Variants in SLC35D2 observed in about 807,000 individuals in gnomAD.
The protein encoded by SLC35D2 is nucleotide sugar transporter SLC35D2.
SLC35D2 carries 43 observed loss-of-function variants against 41.8 expected under a neutral mutation model. The ratio of observed to expected loss-of-function variants is 1.03; its 90% CI spans 0.81 to 1.33. SLC35D2 has a LOEUF of 1.33. Ranked by LOEUF, SLC35D2 falls within the 40% of genes most tolerant of loss-of-function variation. SLC35D2 has a pLI of 0.00. For synonymous variants in SLC35D2, 150 were observed against 163.9 expected, an observed-to-expected ratio of 0.92 and a Z score of 0.65; for missense variants, 380 against 408.4, an observed-to-expected ratio of 0.93 and a Z score of 0.60.
intron 3 of SLC35D2, among the ~76,000 whole-genome samples, chr9:96,363,367 A>T (rs1053895333): frequency 6.6e-6 from 1 of 152,164 alleles, no homozygotes; most frequent in African/African-American, 2.4e-5. Context: ...CCAGTGCTAG[A>T]TGCTGGCATT....
intron 9 of SLC35D2, among the ~76,000 whole-genome samples, chr9:96,326,072 A>C (rs2130843479): frequency 6.6e-6 from 1 of 152,370 alleles, no homozygotes; most frequent in African/African-American, 2.4e-5. Context: ...TGTGGTTCTA[A>C]TTTGAAATAT....
chr9:96,315,902 C>T (rs143820178), downstream of SLC35D2, among the ~76,000 whole-genome samples: 14 of 152,238 alleles, frequency 9.2e-5, no homozygotes, highest in African/African-American at 2.6e-4. Flanking sequence ...TGAAAATATG[C>T]CTCTTTATGA....
intron 2 of SLC35D2, among the ~76,000 whole-genome samples, chr9:96,367,062 T>C (rs1468121419): frequency 6.7e-6 from 1 of 150,232 alleles, no homozygotes; most frequent in African/African-American, 2.4e-5. Context: ...CTATTAAAGA[T>C]ACAAAAAATT....
chr9:96,371,396 G>C (rs1830668114), intron 1 of SLC35D2, among the ~76,000 whole-genome samples: 1 of 143,412 alleles, frequency 7.0e-6, no homozygotes, highest in Non-Finnish European at 1.5e-5. Flanking sequence ...AATTGTACCT[G>C]GGAGGCAGAG....
chr9:96,327,776 TA>T (rs1332054508), intron 9 of SLC35D2, among the ~76,000 whole-genome samples: 1 of 151,800 alleles, frequency 6.6e-6, no homozygotes, highest in Non-Finnish European at 1.5e-5. Context: ...TACACATCAC[TA>T]AACTTGGCTA....
In SLC35D2 at chr9:96,383,525, C is replaced by A. The variant is rs1249306487; in HGVS notation, c.110G>T (p.Cys37Phe). Residue 37 changes from cysteine (C) to phenylalanine (F), a missense_variant, in exon 1 of 12, where the codon TGC becomes TTC. By Grantham distance (205) the Cys-to-Phe change is radical. Coordinates refer to ENST00000253270, the MANE Select transcript of SLC35D2 (RefSeq NM_007001.3). ...GTTGACAAGCACGATGAGGAAGGAG[C>A]AGGTCCCGTAGAAGAGCGCCGACAG... is the stretch of plus-strand genomic sequence containing the variant. The part of the protein sequence containing the change: ...RLLSALFYGT[C>F]SFLIVLVNKA... The A allele has an allele frequency of 2.0e-6, 3 of 1,527,514 alleles. No individual in the cohort carries two copies. The Admixed American group carries it at 6.1e-5, about 31-fold the overall frequency. The allele number at this position is 1,527,514 out of a possible 1,614,324, so 94.6% of individuals were successfully genotyped here.
At chr9:96,348,650 T>C (rs1829681138) in intron 6 of SLC35D2, among the ~76,000 whole-genome samples, 2 of 152,196 alleles carry the variant, frequency 1.3e-5, no homozygotes, top group South Asian at 4.1e-4. Context: ...CTAAGCACTG[T>C]GGCTAAGCAC....
chr9:96,335,595 G>C (rs1179649085), intron 9 of SLC35D2, among the ~76,000 whole-genome samples: 1 of 152,012 alleles, frequency 6.6e-6, no homozygotes, highest in East Asian at 1.9e-4. Context: ...CCTGAACTCA[G>C]GTGATCCACC....
At chr9:96,335,774 C>T (rs904851732) in intron 9 of SLC35D2, among the ~76,000 whole-genome samples, 2 of 152,050 alleles carry the variant, frequency 1.3e-5, no homozygotes, top group African/African-American at 4.8e-5. Context: ...AAGAACGGGG[C>T]CAGGCGCGGT....
intron 9 of SLC35D2, among the ~76,000 whole-genome samples, chr9:96,329,815 G>C (rs1828726748): frequency 6.6e-6 from 1 of 152,204 alleles, no homozygotes; most frequent in Admixed American, 6.5e-5. Flanking sequence ...ATGATATTTG[G>C]CTTCCTCAAT....
chr9:96,322,187 T>C, intron 10 of SLC35D2, 107 bp from the exon 11 acceptor site: 1 of 721,136 alleles, frequency 1.4e-6, no homozygotes. Context: ...GCATAGAGAC[T>C]TGTACATAGG....
At chr9:96,338,184 A>G (rs767958274) in intron 8 of SLC35D2, among the ~76,000 whole-genome samples, 15 of 152,166 alleles carry the variant, frequency 9.9e-5, no homozygotes, top group Non-Finnish European at 1.8e-4. Context: ...ATGATCGAAT[A>G]TAAGTTCTAC....
At chr9:96,360,537 G>A (rs1830221537) in intron 3 of SLC35D2, among the ~76,000 whole-genome samples, 1 of 140,500 alleles carries the variant, frequency 7.1e-6, no homozygotes, top group Non-Finnish European at 1.5e-5. Flanking sequence ...GCTGAGGCAG[G>A]AGAATCACTT....
intron 6 of SLC35D2, 121 bp downstream of exon 6, chr9:96,350,982 T>G: frequency 1.3e-6 from 1 of 742,506 alleles, no homozygotes; most frequent in South Asian, 1.8e-5. Context: ...CTTCAACAGA[T>G]TTGTCTCTTG....
intron 8 of SLC35D2, among the ~76,000 whole-genome samples, chr9:96,341,642 T>C (rs192183611): frequency 8.5e-5 from 13 of 152,302 alleles, no homozygotes; most frequent in African/African-American, 2.9e-4. Flanking sequence ...ATTATTATTA[T>C]CACATGAGAA....
chr9:96,350,998 T>C lies in SLC35D2; in HGVS notation c.488+105A>G, dbSNP rs755983082. On this transcript the variant is annotated intron_variant, in intron 6 of 11. Transcript: ENST00000253270. ...TTCAACAGATTTGTCTCTTGCCTGC[T>C]CAATTCAACAGCAGCCAGATGGAAA... is the stretch of plus-strand genomic sequence containing the variant. 11 of 861,172 alleles carry C rather than the reference T, an allele frequency of 1.3e-5. No individual in the cohort carries two copies. The Middle Eastern group carries it at 6.8e-4, about 53-fold the overall frequency. 53.3% of individuals were successfully genotyped at this position (861,172 alleles called of 1,614,324 possible).
At chr9:96,378,965 C>T (rs1056680708) in intron 1 of SLC35D2, among the ~76,000 whole-genome samples, 1 of 151,698 alleles carries the variant, frequency 6.6e-6, no homozygotes, top group Non-Finnish European at 1.5e-5. Context: ...AACTCCAGAA[C>T]AACTGTACAA....
intron 1 of SLC35D2, among the ~76,000 whole-genome samples, chr9:96,378,357 A>G (rs900522545): frequency 6.6e-6 from 1 of 151,798 alleles, no homozygotes; most frequent in African/African-American, 2.4e-5. Context: ...TGTCTGAGCC[A>G]GCAGAGGTTC....
At chr9:96,320,138 T>C (rs750960716), downstream of SLC35D2, among the ~76,000 whole-genome samples, 5 of 152,088 alleles carry the variant, frequency 3.3e-5, no homozygotes, top group Admixed American at 3.3e-4. Flanking sequence ...TAGGTGAGCA[T>C]GTGAGGAAAT....
Sources: allele counts gnomAD v4.1 joint callset (sites outside exome capture counted in the v4.1 genomes callset), GRCh38; gene constraint gnomAD v4.1.1; transcripts MANE v1.5; gene names NCBI Gene and HGNC (gene_info 2026-07-23, HGNC 2026-07-21).